Variants in TMEM9 observed in about 807,000 individuals in gnomAD.
TMEM9 encodes the protein transmembrane protein 9.
TMEM9 carries 13 observed loss-of-function variants against 22.8 expected under a neutral mutation model. That is an observed-to-expected ratio of 0.57 (90% CI 0.37 to 0.91). The LOEUF is 0.91. Among genes scored for constraint, TMEM9 ranks in the 40% least tolerant of loss-of-function variants. The probability of loss-of-function intolerance (pLI) is 0.01; values close to 1 mark genes in which losing one functional copy is unlikely to be tolerated. For missense variants in TMEM9, 182 were observed against 238.1 expected, an observed-to-expected ratio of 0.76 and a Z score of 1.55; for synonymous variants, 88 against 93.0, an observed-to-expected ratio of 0.95 and a Z score of 0.31.
At chr1:201,159,498 C>T (rs1372558353), upstream of TMEM9, among the ~76,000 whole-genome samples, 1 of 111,382 alleles carries the variant, frequency 9.0e-6, no homozygotes, top group East Asian at 1.9e-4. Flanking sequence ...CACACACACA[C>T]ACACACACAC....
intron 3 of TMEM9, 78 bp from the exon 4 acceptor site, chr1:201,144,029 T>A (rs1664755798): frequency 6.5e-7 from 1 of 1,533,080 alleles, no homozygotes; most frequent in Admixed American, 1.8e-5. Flanking sequence ...TTGGGCCATC[T>A]GTGTCCGGCT....
At chr1:201,139,459 C>T (rs561522174) in intron 4 of TMEM9, among the ~76,000 whole-genome samples, 18 of 152,334 alleles carry the variant, frequency 1.2e-4, no homozygotes, top group Middle Eastern at 6.8e-3. Flanking sequence ...GGGCCACCTT[C>T]CTATGACACA....
At chr1:201,142,451 C>T (rs1056077142) in intron 4 of TMEM9, among the ~76,000 whole-genome samples, 1 of 152,232 alleles carries the variant, frequency 6.6e-6, no homozygotes, top group African/African-American at 2.4e-5. Flanking sequence ...TACAGGAAGA[C>T]TCCCAGCCTC....
At chr1:201,138,145 G>A (rs954786774) in intron 4 of TMEM9, among the ~76,000 whole-genome samples, 5 of 152,074 alleles carry the variant, frequency 3.3e-5, no homozygotes, top group East Asian at 1.9e-4. Flanking sequence ...GGGGTGCTAC[G>A]CTTGGAAGGG....
At chr1:201,159,299 A>C (rs1394975401), upstream of TMEM9, among the ~76,000 whole-genome samples, 1 of 152,188 alleles carries the variant, frequency 6.6e-6, no homozygotes, top group East Asian at 1.9e-4. Flanking sequence ...TAGTATGGGC[A>C]CCATCCTCAG....
chr1:201,135,708 C>T lies in TMEM9; in HGVS notation c.507G>A (p.Gln169=). 6.2e-7 allele frequency: 1 copy of T among 1,613,880 alleles called. No homozygotes were observed. The highest frequency in any genetic ancestry group is 8.5e-7 in the Non-Finnish European group (1 of 1,179,888). Residue 169 remains glutamine, a synonymous_variant, in exon 5 of 5, where the codon CAG becomes CAA. Coordinates refer to ENST00000367330, the MANE Select transcript of TMEM9 (RefSeq NM_001288565.2). ...GAQQRWKLQV[Q]EQRKTVFDRH... is the part of the protein sequence containing the mutation. ...GATCGAAGACTGTCTTCCGCTGCTC[C>T]TGCACCTGCAGCTTCCACCGCTGCT...
chr1:201,146,582 G>A, intron 3 of TMEM9, 158 bp downstream of exon 3: 2 of 759,344 alleles, frequency 2.6e-6, no homozygotes, highest in Non-Finnish European at 4.7e-6. Context: ...GAAGGTGTGG[G>A]ATGTGGGTCC....
In TMEM9 at chr1:201,138,596, G is replaced by C. The variant is rs139850354; in HGVS notation, c.400-2781C>G. Reference sequence around the variant, plus strand: ...GGAGCCCCTCCCAATCAGAAAAAGAGCTTGGACATGGATGGATTCCCAGGA... The same window carrying C: ...GGAGCCCCTCCCAATCAGAAAAAGACCTTGGACATGGATGGATTCCCAGGA... On this transcript the variant is annotated intron_variant, in intron 4 of 4. Coordinates refer to ENST00000367330, the MANE Select transcript of TMEM9 (RefSeq NM_001288565.2). Among the ~76,000 whole-genome samples, 112 of 152,316 alleles carry C rather than the reference G, an allele frequency of 7.4e-4. 1 individual carries two copies. In the East Asian group the frequency reaches 0.016, roughly 22 times the overall value.
exon 1 of TMEM9, chr1:201,171,493 A>G (rs982489927): frequency 1.3e-5 from 2 of 152,376 alleles, no homozygotes; most frequent in South Asian, 2.1e-4. Flanking sequence ...TACGTACCTC[A>G]CATTGCAGTC....
upstream of TMEM9, among the ~76,000 whole-genome samples, chr1:201,157,434 C>T (rs1386428344): frequency 1.3e-5 from 2 of 152,210 alleles, no homozygotes; most frequent in East Asian, 3.8e-4. Flanking sequence ...TCCGTGCAAG[C>T]TTCCAGCTTC....
chr1:201,137,460 C>T (rs1225103229), intron 4 of TMEM9, among the ~76,000 whole-genome samples: 1 of 141,596 alleles, frequency 7.1e-6, no homozygotes, highest in African/African-American at 2.7e-5. Context: ...ATTATAGTTA[C>T]CAAATTATCT....
chr1:201,165,575 T>G (rs1362204480), intron 1 of TMEM9, among the ~76,000 whole-genome samples: 1 of 151,994 alleles, frequency 6.6e-6, no homozygotes, highest in Non-Finnish European at 1.5e-5. Flanking sequence ...TAGCTAGGAT[T>G]ACAGGTGTGC....
At chr1:201,155,556 G>C (rs1665763926), upstream of TMEM9, among the ~76,000 whole-genome samples, 1 of 152,158 alleles carries the variant, frequency 6.6e-6, no homozygotes, top group African/African-American at 2.4e-5. Flanking sequence ...TAGGTGCTCA[G>C]GAAGTGTTTG....
intron 4 of TMEM9, 129 bp from the exon 5 acceptor site, chr1:201,135,944 CCA>C: frequency 2.1e-5 from 20 of 935,798 alleles, no homozygotes; most frequent in Non-Finnish European, 2.6e-5. Context: ...CTGGGCCTCC[CCA>C]AGTGCTGCAG....
intron 4 of TMEM9, among the ~76,000 whole-genome samples, chr1:201,138,132 G>A (rs1284859263): frequency 6.6e-6 from 1 of 152,142 alleles, no homozygotes; most frequent in Non-Finnish European, 1.5e-5. Context: ...GTGTGTGTGG[G>A]GTGGGGTGCT....
upstream of TMEM9, among the ~76,000 whole-genome samples, chr1:201,158,787 A>G (rs1665871318): frequency 6.6e-6 from 1 of 152,124 alleles, no homozygotes; most frequent in African/African-American, 2.4e-5. Context: ...CTCAGGCCAA[A>G]ACCCATACCC....
chr1:201,142,502 C>A (rs957239246), intron 4 of TMEM9, among the ~76,000 whole-genome samples: 2 of 152,232 alleles, frequency 1.3e-5, no homozygotes, highest in Non-Finnish European at 2.9e-5. Flanking sequence ...CTGGATGAAG[C>A]CAAGCTGTCT....
intron 1 of TMEM9, among the ~76,000 whole-genome samples, chr1:201,166,736 A>G (rs978059273): frequency 1.3e-5 from 2 of 152,134 alleles, no homozygotes; most frequent in African/African-American, 4.8e-5. Flanking sequence ...GTCCCGTCAT[A>G]TATTTTGTTT....
intron 4 of TMEM9, 127 bp downstream of exon 4, chr1:201,143,693 C>A (rs553776267): frequency 6.6e-6 from 6 of 908,720 alleles, no homozygotes; most frequent in East Asian, 2.5e-5. Flanking sequence ...GTGTACGACA[C>A]TGACCAGAAG....
Sources: gnomAD v4.1 joint callset for allele counts (sites outside exome capture counted in the v4.1 genomes callset) on GRCh38, gnomAD v4.1.1 for gene constraint, MANE v1.5 for transcripts, NCBI Gene and HGNC (gene_info 2026-07-23, HGNC 2026-07-21) for gene names.